Variants in SHANK1 observed in about 807,000 individuals in gnomAD.
SHANK1 encodes the protein SH3 and multiple ankyrin repeat domains 1, also known as SH3 and multiple ankyrin repeat domains protein 1.
In SHANK1, 35 loss-of-function variants were observed where a neutral mutation model predicts 165.6. The observed-to-expected ratio is 0.21, with a 90% CI of 0.16 to 0.28. SHANK1 has a LOEUF of 0.28. Among genes scored for constraint, SHANK1 ranks in the 10% least tolerant of loss-of-function variants. The probability of loss-of-function intolerance (pLI) is 1.00; values close to 1 mark genes in which losing one functional copy is unlikely to be tolerated. For missense variants in SHANK1, 2,681 were observed against 3,036.4 expected (o/e 0.88, Z 2.75); for synonymous variants, 1,428 against 1,384.8 (o/e 1.03, Z -0.69).
chr19:50,703,883 CAG>C (rs530095417), intron 10 of SHANK1, 53 bp from the exon 11 acceptor site: 2 of 787,746 alleles, frequency 2.5e-6, no homozygotes, highest in Non-Finnish European at 3.9e-6. Flanking sequence ...AAAAGGCAAG[CAG>C]GGGGCCATGC....
intron 22 of SHANK1, among the ~76,000 whole-genome samples, chr19:50,671,405 G>A (rs1465919185): frequency 2.0e-5 from 3 of 150,200 alleles, no homozygotes; most frequent in Admixed American, 6.7e-5. Flanking sequence ...GGATGGTCTC[G>A]ATCTCCTGAC....
At chr19:50,663,034 T>G in intron 23 of SHANK1, 1 of 316,482 alleles carries the variant, frequency 3.2e-6, no homozygotes, top group Non-Finnish European at 5.9e-6. Context: ...CTCAGTTTAA[T>G]CCCCACGACA....
chr19:50,687,435 C>T (rs1037772732), intron 19 of SHANK1, 147 bp downstream of exon 19: 3 of 616,344 alleles, frequency 4.9e-6, no homozygotes, highest in South Asian at 2.1e-5. Context: ...GACACACACA[C>T]ACAGGCCAGA....
In SHANK1 at chr19:50,697,403, T is replaced by C. The variant is rs192060407; in HGVS notation, c.1937+186A>G. On this transcript the variant is annotated intron_variant, in intron 14 of 23. Coordinates refer to ENST00000293441, the MANE Select transcript of SHANK1 (RefSeq NM_016148.5). This position sits in a 1 kb window ranked among gnomAD's most constrained non-coding sequence, Gnocchi z 4.7. Reference sequence around the variant, plus strand: ...CCCAGAGCTGGGCAGTCTTAGTGGCTGCCGAAGATGGTTTGGGGTTGGGCT... The same window carrying C: ...CCCAGAGCTGGGCAGTCTTAGTGGCCGCCGAAGATGGTTTGGGGTTGGGCT... Among the ~76,000 whole-genome samples the C allele has an allele frequency of 1.3e-3, 191 of 152,322 alleles. No individual in the cohort carries two copies. The highest frequency in any genetic ancestry group is 5.8e-3 in the South Asian group (28 of 4,822).
intron 8 of SHANK1, among the ~76,000 whole-genome samples, chr19:50,708,619 T>G (rs903402140): frequency 6.6e-6 from 1 of 152,094 alleles, no homozygotes; most frequent in Non-Finnish European, 1.5e-5. Flanking sequence ...ATGGAGGATG[T>G]GGGGTTGAGT....
rs1394167675 is a variant in SHANK1 at position 50,660,773 on chromosome 19, G to A, written c.*1192C>T. Among the ~76,000 whole-genome samples the A allele has an allele frequency of 7.0e-6, 1 of 143,082 alleles. No homozygotes were observed. Among genetic ancestry groups the A allele is most frequent in the Non-Finnish European group, 1.5e-5 (1 of 66,814 alleles). The allele number at this position is 143,082 out of a possible 152,430, so 93.9% of individuals were successfully genotyped here. ...CAAGTGTGCAAGAGGGTTCACAAAA[G>A]AATCAAAAATGCAGAAGGGCAAAGA... On this transcript the variant is annotated 3_prime_UTR_variant, in exon 24 of 24. Coordinates refer to ENST00000293441, the MANE Select transcript of SHANK1 (RefSeq NM_016148.5).
rs752229937 is a variant in SHANK1 at position 50,686,735 on chromosome 19, C to T, written c.2458+9G>A. 2 of 1,613,004 alleles carry T rather than the reference C, an allele frequency of 1.2e-6. No individual in the cohort carries two copies. The highest frequency in any genetic ancestry group is 1.7e-5 in the Admixed American group (1 of 59,940). On this transcript the variant is annotated intron_variant, in intron 20 of 23. Transcript: ENST00000293441. The surrounding 1 kb of genome is among the most constrained non-coding windows in gnomAD (Gnocchi z 5.7). ...CGGCATCCCGAGGAGCAGGGCTGGGCCGTCTTACTGAGAGCCATCTGATAC... is the reference window on the plus strand; with the variant it reads ...CGGCATCCCGAGGAGCAGGGCTGGGTCGTCTTACTGAGAGCCATCTGATAC...
rs1312965814 is a variant in SHANK1, at chr19:50,688,509, T to C, written c.2172+335A>G. Among the ~76,000 whole-genome samples, 2 of 152,012 alleles carry C rather than the reference T, an allele frequency of 1.3e-5. No homozygotes were observed. Among genetic ancestry groups the C allele is most frequent in the Non-Finnish European group, 2.9e-5 (2 of 67,986 alleles). On this transcript the variant is annotated intron_variant, in intron 17 of 23. Coordinates refer to ENST00000293441, the MANE Select transcript of SHANK1 (RefSeq NM_016148.5). This position sits in a 1 kb window ranked among gnomAD's most constrained non-coding sequence, Gnocchi z 6.7. Reference sequence around the variant, plus strand: ...TTTTTTAAGAGACAGGATCTTGCTATGTTGCCCAGGCTGGTCTCAAACTCT... The same window carrying C: ...TTTTTTAAGAGACAGGATCTTGCTACGTTGCCCAGGCTGGTCTCAAACTCT...
rs1203904033 is a variant in SHANK1, at chr19:50,669,072, G to C, written c.2888C>G (p.Pro963Arg). The C allele has an allele frequency of 1.7e-6, 2 of 1,210,152 alleles. No homozygotes were observed. Among genetic ancestry groups the C allele is most frequent in the Non-Finnish European group, 2.3e-6 (2 of 882,996 alleles). 75.0% of individuals were successfully genotyped at this position (1,210,152 alleles called of 1,614,324 possible). A position where few individuals can be genotyped will look rare whatever the true frequency, so the allele number is the denominator to read the frequency against. Residue 963 changes from proline (P) to arginine (R), a missense_variant, in exon 23 of 24, where the codon CCC becomes CGC. This residue lies in a region of SHANK1 where 1,713 missense variants were observed against 1,630.2 expected (regional missense o/e 1.05). Transcript: ENST00000293441. ...PFNPGSGGPL[P>R]ASSPASFDGP... ...GTCAAAGGATGCAGGGGAGGAGGCG[G>C]GGAGGGGGCCACCAGAGCCAGGGTT... is the stretch of plus-strand genomic sequence containing the variant.
intron 8 of SHANK1, 190 bp downstream of exon 8, chr19:50,711,181 G>A: frequency 1.7e-6 from 1 of 580,790 alleles, no homozygotes; most frequent in East Asian, 2.8e-5. Context: ...GTAAATATCT[G>A]TTGGATGGAT....
intron 12 of SHANK1, among the ~76,000 whole-genome samples, chr19:50,699,271 G>A (rs1986831292): frequency 6.6e-6 from 1 of 152,228 alleles, no homozygotes; most frequent in South Asian, 2.1e-4. Flanking sequence ...TGCCAGTCAT[G>A]AGTCAGGTAC....
intron 21 of SHANK1, among the ~76,000 whole-genome samples, 154 bp from the exon 22 acceptor site, chr19:50,672,268 G>A (rs543849319): frequency 2.6e-5 from 4 of 152,224 alleles, no homozygotes; most frequent in South Asian, 2.1e-4. Flanking sequence ...GAAGGAGGCC[G>A]GGCAACGTGG....
rs3833236 is a variant in SHANK1, at chr19:50,661,739, T to TCA, written c.*224_*225dup. 9.3e-4 allele frequency: 464 copies of TCA among 499,454 alleles called. 4 individuals are homozygous for TCA. The East Asian group carries it at 0.012, about 12-fold the overall frequency. 30.9% of individuals were successfully genotyped at this position (499,454 alleles called of 1,614,324 possible). A position where few individuals can be genotyped will look rare whatever the true frequency, so the allele number is the denominator to read the frequency against. ...TCCTATCCCCCCTCCGCTCCCCGCT[T>TCA]CACACACACACACACACTCTTGTGT... On this transcript the variant is annotated 3_prime_UTR_variant, in exon 24 of 24. Coordinates refer to ENST00000293441, the MANE Select transcript of SHANK1 (RefSeq NM_016148.5).
At position 50,686,674 on chromosome 19, in the gene SHANK1, TG is replaced by T; in HGVS notation, c.2458+69del. 1.4e-6 allele frequency: 2 copies of T among 1,447,710 alleles called. No individual in the cohort carries two copies. Among genetic ancestry groups the T allele is most frequent in the Non-Finnish European group, 1.9e-6 (2 of 1,037,244 alleles). The allele number at this position is 1,447,710 out of a possible 1,614,324, so 89.7% of individuals were successfully genotyped here. A position where few individuals can be genotyped will look rare whatever the true frequency, so the allele number is the denominator to read the frequency against. ...GTGAGGGGCGCCGTGGGGTTCATGG[TG>T]GGACAGGGATGCAGCGGGTGCCGGG... On this transcript the variant is annotated intron_variant, in intron 20 of 23. Coordinates refer to ENST00000293441, the MANE Select transcript of SHANK1 (RefSeq NM_016148.5). The surrounding 1 kb of genome is among the most constrained non-coding windows in gnomAD (Gnocchi z 5.7).
chr19:50,693,296 C>T (rs12608571), intron 15 of SHANK1, among the ~76,000 whole-genome samples: 10,902 of 147,210 alleles, frequency 0.074, 808 homozygotes, highest in Admixed American at 0.24. Flanking sequence ...AGCCGCCACC[C>T]CTCCCCCACT....
In SHANK1 at chr19:50,697,389, G is replaced by T. The variant is rs1266333848; in HGVS notation, c.1937+200C>A. ...TTGTCTCTGGCTACCCCAGAGCTGG[G>T]CAGTCTTAGTGGCTGCCGAAGATGG... On this transcript the variant is annotated intron_variant, in intron 14 of 23. Coordinates refer to ENST00000293441, the MANE Select transcript of SHANK1 (RefSeq NM_016148.5). This position sits in a 1 kb window ranked among gnomAD's most constrained non-coding sequence, Gnocchi z 4.7. Among the ~76,000 whole-genome samples the T allele has an allele frequency of 6.6e-6, 1 of 152,194 alleles. No homozygotes were observed. Among genetic ancestry groups the T allele is most frequent in the African/African-American group, 2.4e-5 (1 of 41,444 alleles).
intron 22 of SHANK1, among the ~76,000 whole-genome samples, chr19:50,671,743 C>T (rs1194483293): frequency 3.3e-5 from 5 of 152,076 alleles, no homozygotes; most frequent in Non-Finnish European, 7.4e-5. Context: ...AAAGCTGTAG[C>T]GGGGGCTTTA....
rs1448535908 is a variant in SHANK1, at chr19:50,660,835, CAAA to C, written c.*1127_*1129del. Reference sequence around the variant, plus strand: ...AAGGGGCAAGGGAGTGGGAGCCTGGCAAAGAAGAAGAGAATGAGCATGTGTGAG... The same window carrying C: ...AAGGGGCAAGGGAGTGGGAGCCTGGCGAAGAAGAGAATGAGCATGTGTGAG... On this transcript the variant is annotated 3_prime_UTR_variant, in exon 24 of 24. Coordinates refer to ENST00000293441, the MANE Select transcript of SHANK1 (RefSeq NM_016148.5). 1.6e-4 allele frequency among the ~76,000 whole-genome samples: 23 copies of C among 143,090 alleles called. No homozygotes were observed. Among genetic ancestry groups the C allele is most frequent in the Admixed American group, 4.5e-4 (6 of 13,376 alleles). The allele number at this position is 143,090 out of a possible 152,430, so 93.9% of individuals were successfully genotyped here. A position where few individuals can be genotyped will look rare whatever the true frequency, so the allele number is the denominator to read the frequency against.
At position 50,714,228 on chromosome 19, in the gene SHANK1, C is replaced by G; in HGVS notation, c.594G>C (p.Leu198=). The G allele has an allele frequency of 6.2e-7, 1 of 1,614,172 alleles. No homozygotes were observed. The highest frequency in any genetic ancestry group is 2.2e-5 in the East Asian group (1 of 44,882). ...QLGTSDKVAR[L]LDKGLDPNYH... is the part of the protein sequence containing the mutation. ...AATTGGGGTCCAGCCCCTTGTCCAG[C>G]AGCCGCGCCACCTTGTCAGATGTCC... The change falls in exon 5 of 24, where the codon CTG becomes CTC. Residue 198 remains leucine (L), a synonymous_variant. Transcript: ENST00000293441.
Sources: gnomAD v4.1 joint callset for allele counts (sites outside exome capture counted in the v4.1 genomes callset) on GRCh38, gnomAD v4.1.1 for gene constraint, gnomAD v4.1.1 regional missense constraint, Gnocchi (gnomAD v3.1) non-coding constraint, MANE v1.5 for transcripts, NCBI Gene and HGNC (gene_info 2026-07-23, HGNC 2026-07-21) for gene names.